The following SLC15A1 variants were observed in gnomAD, a reference collection of about 807,000 sequenced individuals.
The protein encoded by SLC15A1 is solute carrier family 15 member 1.
SLC15A1 carries 83 observed loss-of-function variants against 92.9 expected under a neutral mutation model. That is an observed-to-expected ratio of 0.89 (90% CI 0.75 to 1.07). SLC15A1 has a LOEUF of 1.07. SLC15A1 is among the 50% of genes least tolerant of loss of function. The pLI is 0.00. For missense variants in SLC15A1, 857 were observed against 880.1 expected, an observed-to-expected ratio of 0.97 and a Z score of 0.33; for synonymous variants, 322 against 318.2, an observed-to-expected ratio of 1.01 and a Z score of -0.13.
chr13:98,695,373 T>C (rs1463206691), intron 18 of SLC15A1, among the ~76,000 whole-genome samples: 1 of 152,062 alleles, frequency 6.6e-6, no homozygotes, highest in Admixed American at 6.6e-5. Flanking sequence ...AAGCATGCAC[T>C]GCTATGCCAG....
At position 98,710,403 on chromosome 13, in the gene SLC15A1, A is replaced by G. The variant is rs140017690; in HGVS notation, c.901-492T>C. ...TGGGCAGCCCCTTTACAGTCAACCT[A>G]TTTCACAGTGAAAGAGGACACAGGA... On this transcript the variant is annotated intron_variant, in intron 11 of 22. Transcript: ENST00000376503. Among the ~76,000 whole-genome samples the G allele has an allele frequency of 7.8e-3, 1,185 of 152,260 alleles. 7 individuals carry two copies. Among genetic ancestry groups the G allele is most frequent in the South Asian group, 0.029 (139 of 4,826 alleles).
At chr13:98,734,641 AT>A (rs1284751148) in intron 1 of SLC15A1, among the ~76,000 whole-genome samples, 3 of 152,246 alleles carry the variant, frequency 2.0e-5, no homozygotes, top group Non-Finnish European at 2.9e-5. Flanking sequence ...GCAATAAAAA[AT>A]GATAAAGGGT....
chr13:98,749,068 C>T (rs1473779279), intron 1 of SLC15A1, among the ~76,000 whole-genome samples: 2 of 152,210 alleles, frequency 1.3e-5, no homozygotes, highest in Non-Finnish European at 2.9e-5. Flanking sequence ...TGAGTTCCCC[C>T]GAAGGTCATA....
intron 11 of SLC15A1, among the ~76,000 whole-genome samples, chr13:98,710,808 C>CAAAAA (rs4646225): frequency 2.0e-4 from 14 of 71,670 alleles, no homozygotes; most frequent in Non-Finnish European, 3.0e-4. Flanking sequence ...ACTCTTGACT[C>CAAAAA]AAAAAAAAAA....
intron 1 of SLC15A1, among the ~76,000 whole-genome samples, chr13:98,729,028 A>G (rs1594003148): frequency 6.7e-6 from 1 of 150,094 alleles, no homozygotes; most frequent in South Asian, 2.1e-4. Flanking sequence ...AAAACAAAAA[A>G]CAAACAGAAT....
chr13:98,728,855 C>T (rs536407409), intron 1 of SLC15A1, among the ~76,000 whole-genome samples: 1 of 151,560 alleles, frequency 6.6e-6, no homozygotes, highest in South Asian at 2.1e-4. Flanking sequence ...GTGGCACACG[C>T]CTGTAATCCC....
Position 98,685,191 on chromosome 13 carries a change from A to G in SLC15A1, c.1936-276T>C, listed in dbSNP as rs147318328. Among the ~76,000 whole-genome samples the G allele has an allele frequency of 2.3e-3, 354 of 152,350 alleles. 3 individuals are homozygous for G. The highest frequency in any genetic ancestry group is 8.1e-3 in the African/African-American group (335 of 41,588). ...GAAGATGAGAGAAAATTTCTGAAAT[A>G]CTGAAGCCTTAAGACATGTGGCTGG... On this transcript the variant is annotated intron_variant, in intron 22 of 22. Coordinates refer to ENST00000376503, the MANE Select transcript of SLC15A1 (RefSeq NM_005073.4).
intron 15 of SLC15A1, 39 bp downstream of exon 15, chr13:98,708,647 C>T: frequency 1.3e-6 from 2 of 1,563,902 alleles, no homozygotes; most frequent in Non-Finnish European, 1.7e-6. Context: ...CACCTAAATC[C>T]ACCAGGAAAG....
rs771426478 is a variant in SLC15A1 at position 98,703,539 on chromosome 13, C to CTTTTTTTTT, written c.1416+741_1416+749dup. ...TATACCTTTGTAGCTGCTGCTGCTGCTTTTTTTTTTTTTTTTTTTTTTTTT... is the reference window on the plus strand; with the variant it reads ...TATACCTTTGTAGCTGCTGCTGCTGCTTTTTTTTTTTTTTTTTTTTTTTTTTTTTTTTTT... On this transcript the variant is annotated intron_variant, in intron 17 of 22. Coordinates refer to ENST00000376503, the MANE Select transcript of SLC15A1 (RefSeq NM_005073.4). 2.6e-4 allele frequency among the ~76,000 whole-genome samples: 22 copies of CTTTTTTTTT among 85,544 alleles called. 2 individuals are homozygous for CTTTTTTTTT. Among genetic ancestry groups the CTTTTTTTTT allele is most frequent in the African/African-American group, 5.9e-4 (9 of 15,200 alleles). 56.1% of individuals were successfully genotyped at this position (85,544 alleles called of 152,430 possible).
chr13:98,697,280 T>C (rs2088030207), intron 18 of SLC15A1, among the ~76,000 whole-genome samples: 1 of 152,164 alleles, frequency 6.6e-6, no homozygotes, highest in South Asian at 2.1e-4. Context: ...GATCTTGAAC[T>C]CCCGACCTCC....
At chr13:98,693,156 G>A (rs1257835477) in intron 18 of SLC15A1, among the ~76,000 whole-genome samples, 1 of 132,618 alleles carries the variant, frequency 7.5e-6, no homozygotes, top group Non-Finnish European at 1.5e-5. Flanking sequence ...GGAGAGCCAT[G>A]GCACAGTCTC....
chr13:98,727,161 G>A (rs545152446), intron 1 of SLC15A1, among the ~76,000 whole-genome samples: 6 of 152,288 alleles, frequency 3.9e-5, no homozygotes, highest in South Asian at 2.1e-4. Context: ...GCCGCCCATC[G>A]GGATAAAATC....
Position 98,752,639 on chromosome 13 carries a change from G to A in SLC15A1, c.-41C>T, listed in dbSNP as rs2088557167. On this transcript the variant is annotated 5_prime_UTR_variant, in exon 1 of 23. In the 5' UTR this introduces an upstream ATG that the reference lacks. Transcript: ENST00000376503. ...GGCTCCTGCGACCTGCCGGCGGGAC[G>A]TGCTCCTGGCAGGTGCTACTCCTCC... 3 of 1,248,768 alleles carry A rather than the reference G, an allele frequency of 2.4e-6. No individual in the cohort carries two copies. The highest frequency in any genetic ancestry group is 8.5e-5 in the Admixed American group (2 of 23,660). The allele number at this position is 1,248,768 out of a possible 1,614,324, so 77.4% of individuals were successfully genotyped here.
Position 98,706,081 on chromosome 13 carries a change from A to G in SLC15A1, c.1269+53T>C, listed in dbSNP as rs569851380. The G allele has an allele frequency of 1.0e-5, 16 of 1,575,754 alleles. No homozygotes were observed. In the South Asian group the frequency reaches 1.6e-4, roughly 16 times the overall value. On this transcript the variant is annotated intron_variant, in intron 16 of 22. Transcript: ENST00000376503. ...AAGAAAAACAGCTTCTCTAAATCCT[A>G]TTATAACAGGGTCAGAAGATGAAAA...
rs200273481 is a variant in SLC15A1, at chr13:98,687,735, A to C, written c.1684-11T>G. On this transcript the variant is annotated splice_polypyrimidine_tract_variant and intron_variant, in intron 20 of 22. Transcript: ENST00000376503. ...AGGGCAGCTGTCATTCTGCAGCAGT[A>C]AGGCAAAAGCAGAAGAAGTTGAGAT... The C allele has an allele frequency of 1.4e-5, 23 of 1,610,962 alleles. No homozygotes were observed. Among genetic ancestry groups the C allele is most frequent in the Non-Finnish European group, 2.0e-5 (23 of 1,179,140 alleles).
At chr13:98,722,458 T>C (rs78584502) in intron 5 of SLC15A1, among the ~76,000 whole-genome samples, 3,313 of 139,646 alleles carry the variant, frequency 0.024, 102 homozygotes, top group African/African-American at 0.087. Flanking sequence ...TTCTAGGTTA[T>C]TGCTAAGTAT....
At chr13:98,747,736 C>T (rs1363229952) in intron 1 of SLC15A1, among the ~76,000 whole-genome samples, 1 of 152,034 alleles carries the variant, frequency 6.6e-6, no homozygotes, top group Non-Finnish European at 1.5e-5. Context: ...CAAAAGTTAG[C>T]CAGGTGTGAT....
chr13:98,746,700 C>T (rs2088495904), intron 1 of SLC15A1, among the ~76,000 whole-genome samples: 1 of 152,164 alleles, frequency 6.6e-6, no homozygotes, highest in Non-Finnish European at 1.5e-5. Flanking sequence ...TGTGAATTTT[C>T]TATTTGTTAA....
chr13:98,739,200 G>A (rs969743400), intron 1 of SLC15A1, among the ~76,000 whole-genome samples: 6 of 152,196 alleles, frequency 3.9e-5, no homozygotes, highest in Non-Finnish European at 5.9e-5. Context: ...GTTTTTGATT[G>A]TGCAGGCTCA....
Sources: gnomAD v4.1 joint callset for allele counts (sites outside exome capture counted in the v4.1 genomes callset) on GRCh38, gnomAD v4.1.1 for gene constraint, MANE v1.5 for transcripts, NCBI Gene and HGNC (gene_info 2026-07-23, HGNC 2026-07-21) for gene names.